Variants in NEK3 observed in about 807,000 individuals in gnomAD.
NEK3 encodes the protein NIMA related kinase 3, also known as serine/threonine-protein kinase Nek3.
Under a neutral mutation model 66.0 loss-of-function variants are expected in NEK3, and 54 were observed. That is an observed-to-expected ratio of 0.82 (90% CI 0.66 to 1.03). The LOEUF is 1.03. NEK3 is among the 50% of genes least tolerant of loss of function. The pLI is 0.00. For missense variants in NEK3, 593 were observed against 603.0 expected (o/e 0.98, Z 0.17); for synonymous variants, 200 against 206.2 (o/e 0.97, Z 0.26).
chr13:52,151,048 T>A (rs892505539), intron 7 of NEK3, 98 bp downstream of exon 7: 1 of 849,748 alleles, frequency 1.2e-6, no homozygotes, highest in African/African-American at 1.7e-5. Context: ...ATATGATCCA[T>A]GCATCTGTTT....
At position 52,141,077 on chromosome 13, in the gene NEK3, AAGAG is replaced by A. The variant is rs747418647; in HGVS notation, c.878-12_878-9del. The A allele has an allele frequency of 2.5e-6, 4 of 1,594,938 alleles. No homozygotes were observed. In the African/African-American group the frequency reaches 4.0e-5, roughly 16 times the overall value. ...TGATTCTGCTGGGGTTTGCTTTTAA[AAGAG>A]AGAGAGAAGGTAGAAAGATAAAACA... is the stretch of plus-strand genomic sequence containing the variant. On this transcript the variant is annotated splice_polypyrimidine_tract_variant and intron_variant, in intron 10 of 15. Transcript: ENST00000610828.
chr13:52,138,672 T>C (rs1386193016), intron 11 of NEK3, among the ~76,000 whole-genome samples: 1 of 152,146 alleles, frequency 6.6e-6, no homozygotes, highest in African/African-American at 2.4e-5. Context: ...CTCACACCTA[T>C]AAATCCCAGC....
rs1483369072 is a variant in NEK3 at position 52,144,888 on chromosome 13, G to C, written c.607C>G (p.Gln203Glu). ...ATAAGATTTTTCCAACTATTTGCCT[G>C]AAACTGAAAAGGAAAATTGAACTTT... ...YELCTLKHPFQANSWKNLILK... is the reference protein window; with the variant it reads ...YELCTLKHPFEANSWKNLILK... The change falls in exon 9 of 16, where the codon CAG becomes GAG. Residue 203 changes from glutamine (Q) to glutamate (E), a missense_variant. Coordinates refer to ENST00000610828, the MANE Select transcript of NEK3 (RefSeq NM_002498.3). The C allele has an allele frequency of 1.3e-6, 2 of 1,593,762 alleles. No individual in the cohort carries two copies. Among genetic ancestry groups the C allele is most frequent in the South Asian group, 2.3e-5 (2 of 87,924 alleles).
At position 52,135,456 on chromosome 13, in the gene NEK3, A is replaced by T. The variant is rs570842067; in HGVS notation, c.1309+273T>A. Among the ~76,000 whole-genome samples, 134 of 152,332 alleles carry T rather than the reference A, an allele frequency of 8.8e-4. 6 individuals are homozygous for T. In the South Asian group the frequency reaches 0.025, roughly 28 times the overall value. ...AGCTTAAGACTGGCTAGAAAAGATT[A>T]AAAAACACCTAAAAATACAGTGCTA... is the stretch of plus-strand genomic sequence containing the variant. On this transcript the variant is annotated intron_variant, in intron 14 of 15. Transcript: ENST00000610828.
intron 8 of NEK3, among the ~76,000 whole-genome samples, chr13:52,147,082 T>A (rs1165071528): frequency 2.6e-5 from 4 of 152,206 alleles, no homozygotes; most frequent in Non-Finnish European, 5.9e-5. Context: ...TTTTTAAAAA[T>A]ATCTTGAAAA....
intron 10 of NEK3, among the ~76,000 whole-genome samples, chr13:52,141,658 A>AT (rs1956251039): frequency 6.6e-6 from 1 of 152,186 alleles, no homozygotes; most frequent in African/African-American, 2.4e-5. Flanking sequence ...ATCAGATGCA[A>AT]TCCCTGCCCT....
chr13:52,151,209 T>C lies in NEK3; in HGVS notation c.485A>G (p.Tyr162Cys), dbSNP rs746351128. Residue 162 changes from tyrosine to cysteine, a missense_variant, in exon 7 of 16, where the codon TAT becomes TGT. Transcript: ENST00000610828. ...AGGCACATAATAAGGAGTTCCCACATAGGTACAAGCAAATGCCATCGGACT... is the reference window on the plus strand; with the variant it reads ...AGGCACATAATAAGGAGTTCCCACACAGGTACAAGCAAATGCCATCGGACT... ...LSNPMAFACT[Y>C]VGTPYYVPPE... is the part of the protein sequence containing the mutation. 60 of 1,610,062 alleles carry C rather than the reference T, an allele frequency of 3.7e-5. No homozygotes were observed. The South Asian group carries it at 5.9e-4, about 16-fold the overall frequency.
chr13:52,154,383 T>C (rs998821547), intron 2 of NEK3, among the ~76,000 whole-genome samples: 2 of 152,230 alleles, frequency 1.3e-5, no homozygotes, highest in Non-Finnish European at 2.9e-5. Context: ...CCCTTCATTG[T>C]ATTTTTATTT....
chr13:52,154,262 T>C (rs557501076), intron 2 of NEK3, 89 bp from the exon 3 acceptor site: 2 of 769,090 alleles, frequency 2.6e-6, no homozygotes, highest in Non-Finnish European at 4.0e-6. Context: ...GACACTTTAA[T>C]GCTAGATGCA....
Position 52,152,709 on chromosome 13 carries a change from T to A in NEK3, c.310-17A>T. 1 of 1,548,718 alleles carries A rather than the reference T, an allele frequency of 6.5e-7. No individual in the cohort carries two copies. Among genetic ancestry groups the A allele is most frequent in the Non-Finnish European group, 8.9e-7 (1 of 1,124,724 alleles). On this transcript the variant is annotated splice_polypyrimidine_tract_variant and intron_variant, in intron 4 of 15. Transcript: ENST00000610828. The stretch of plus-strand genomic sequence containing the variant: ...ATTAAGTATCTGTAAGAAAAAGGTA[T>A]GCAAAATCTTCAAGAATGCAGTAAC...
At chr13:52,145,460 C>T (rs1199724917) in intron 8 of NEK3, among the ~76,000 whole-genome samples, 4 of 152,184 alleles carry the variant, frequency 2.6e-5, no homozygotes, top group East Asian at 1.9e-4. Context: ...TGTGCCACCG[C>T]GCCTGGCTAA....
At chr13:52,153,280 A>T (rs1566861385) in intron 4 of NEK3, among the ~76,000 whole-genome samples, 1 of 152,098 alleles carries the variant, frequency 6.6e-6, no homozygotes. Context: ...CCTTCTACGG[A>T]ACCCACATTT....
chr13:52,135,990 G>C, intron 13 of NEK3, 126 bp downstream of exon 13: 2 of 1,488,862 alleles, frequency 1.3e-6, no homozygotes, highest in Non-Finnish European at 1.8e-6. Flanking sequence ...TCATTCACCT[G>C]TATGAGCAAT....
At chr13:52,147,820 T>A (rs889333122) in intron 8 of NEK3, among the ~76,000 whole-genome samples, 13 of 151,674 alleles carry the variant, frequency 8.6e-5, no homozygotes, top group South Asian at 2.1e-4. Context: ...ACAAAAAAAA[T>A]GTCTCTAGTA....
chr13:52,147,247 A>T (rs191704521), intron 8 of NEK3, among the ~76,000 whole-genome samples: 28 of 152,318 alleles, frequency 1.8e-4, no homozygotes, highest in African/African-American at 6.7e-4. Context: ...TACAATTACC[A>T]TATGACCCAG....
At chr13:52,149,186 A>G (rs1956318675) in intron 7 of NEK3, among the ~76,000 whole-genome samples, 1 of 151,842 alleles carries the variant, frequency 6.6e-6, no homozygotes. Context: ...GGTGTGAGCC[A>G]CCGCGCCCAG....
chr13:52,152,080 G>A (rs1040890391), intron 5 of NEK3, among the ~76,000 whole-genome samples: 3 of 152,098 alleles, frequency 2.0e-5, no homozygotes, highest in Non-Finnish European at 2.9e-5. Flanking sequence ...TCCCCCTGTC[G>A]TTAAGCGATG....
At chr13:52,139,108 AC>A (rs974130219) in intron 11 of NEK3, among the ~76,000 whole-genome samples, 29 of 152,302 alleles carry the variant, frequency 1.9e-4, no homozygotes, top group African/African-American at 6.7e-4. Flanking sequence ...GATGAACAGG[AC>A]CCCGAATGCC....
intron 14 of NEK3, 158 bp from the exon 15 acceptor site, chr13:52,133,973 G>T: frequency 1.5e-6 from 1 of 659,946 alleles, no homozygotes; most frequent in Non-Finnish European, 2.5e-6. Context: ...ATGATTGTAG[G>T]CATAAAACAG....
Sources: gnomAD v4.1 joint callset for allele counts (sites outside exome capture counted in the v4.1 genomes callset) on GRCh38, gnomAD v4.1.1 for gene constraint, MANE v1.5 for transcripts, NCBI Gene and HGNC (gene_info 2026-07-23, HGNC 2026-07-21) for gene names.